Variants in LRCH1 observed in about 807,000 individuals in gnomAD.
LRCH1 encodes the protein leucine-rich repeat and calponin homology domain-containing protein 1.
A neutral mutation model predicts 94.9 loss-of-function variants in LRCH1; 23 were observed. That is an observed-to-expected ratio of 0.24 (90% confidence interval 0.17 to 0.34). The LOEUF (loss-of-function observed/expected upper bound fraction) is 0.34, where lower values mean the gene tolerates loss of function less well. Ranked by LOEUF, LRCH1 falls within the 10% of genes least tolerant of loss-of-function variation. LRCH1 has a pLI of 1.00. For missense variants in LRCH1, 790 were observed against 945.9 expected, an observed-to-expected ratio of 0.84 and a Z score of 2.16; for synonymous variants, 364 against 354.9, an observed-to-expected ratio of 1.03 and a Z score of -0.29.
Position 46,687,866 on chromosome 13 carries a change from C to G in LRCH1, c.837C>G (p.Gly279=). 1 of 1,611,026 alleles carries G rather than the reference C, an allele frequency of 6.2e-7. No homozygotes were observed. Among genetic ancestry groups the G allele is most frequent in the Non-Finnish European group, 8.5e-7 (1 of 1,178,634 alleles). Residue 279 remains glycine (G), a synonymous_variant, in exon 6 of 20, where the codon GGC becomes GGG. Transcript: ENST00000389797. ...QSPPAQICTK[G]KVHIFKYLSI... ...TTTCTTTGTAGATTTGCACAAAGGG[C>G]AAAGTTCACATATTTAAGTATCTGA...
chr13:46,741,570 C>G, intron 19 of LRCH1, 72 bp from the exon 20 acceptor site: 1 of 1,591,642 alleles, frequency 6.3e-7, no homozygotes, highest in Non-Finnish European at 8.6e-7. Flanking sequence ...GTGCTTCTTT[C>G]TAGCTGTTCC....
In LRCH1 at chr13:46,561,105, G is replaced by A. The variant is rs370393478; in HGVS notation, c.307+7402G>A. ...AGGATATAGCTGGAGAAAAAAATCA[G>A]AGAAGAACAGTATGTTTGATTTGCA... On this transcript the variant is annotated intron_variant, in intron 1 of 19. Coordinates refer to ENST00000389797, the MANE Select transcript of LRCH1 (RefSeq NM_001164211.2). 1.6e-4 allele frequency among the ~76,000 whole-genome samples: 24 copies of A among 152,284 alleles called. 1 individual carries two copies. The South Asian group carries it at 5.0e-3, about 32-fold the overall frequency.
chr13:46,741,543 C>G, intron 19 of LRCH1, 99 bp from the exon 20 acceptor site: 1 of 1,464,922 alleles, frequency 6.8e-7, no homozygotes, highest in Admixed American at 1.7e-5. Flanking sequence ...CTGCCATTTG[C>G]TAGTAACCAA....
chr13:46,651,512 T>C (rs906290772), intron 2 of LRCH1, among the ~76,000 whole-genome samples: 1 of 151,686 alleles, frequency 6.6e-6, no homozygotes, highest in Non-Finnish European at 1.5e-5. Context: ...AATACAAAAT[T>C]AGCTGGGCGT....
chr13:46,586,956 CTGGGTCTTAA>C (rs2050441996), intron 1 of LRCH1, among the ~76,000 whole-genome samples: 1 of 152,232 alleles, frequency 6.6e-6, no homozygotes, highest in South Asian at 2.1e-4. Flanking sequence ...GTGAATCTCA[CTGGGTCTTAA>C]TCAGGAAAAG....
rs373414917 is a variant in LRCH1, at chr13:46,750,368, A to G, written c.1981-172A>G. On this transcript the variant is annotated intron_variant, in intron 18 of 18. Coordinates refer to the LRCH1 transcript ENST00000311191. ...AAAAATCATTATTTTCTCTGCAAAC[A>G]TAGAAAAGGTCTTTGCAGTAGGTTG... is the stretch of plus-strand genomic sequence containing the variant. Among the ~76,000 whole-genome samples, 119 of 152,316 alleles carry G rather than the reference A, an allele frequency of 7.8e-4. 3 individuals carry two copies. In the South Asian group the frequency reaches 0.022, roughly 29 times the overall value.
At chr13:46,568,633 C>A (rs1437465389) in intron 1 of LRCH1, among the ~76,000 whole-genome samples, 1 of 152,090 alleles carries the variant, frequency 6.6e-6, no homozygotes, top group Admixed American at 6.5e-5. Context: ...ATATTGCATA[C>A]ATAGGAAGGA....
chr13:46,692,430 T>C, intron 7 of LRCH1, 106 bp from the exon 8 acceptor site: 2 of 820,914 alleles, frequency 2.4e-6, no homozygotes, highest in South Asian at 1.8e-5. Flanking sequence ...TTATATTCAA[T>C]ATGATATTTG....
intron 19 of LRCH1, among the ~76,000 whole-genome samples, chr13:46,739,267 A>G (rs1450264211): frequency 2.6e-5 from 4 of 152,090 alleles, no homozygotes; most frequent in Non-Finnish European, 5.9e-5. Flanking sequence ...AACCTAAGTG[A>G]ATTTCTTAAC....
At chr13:46,693,134 G>A (rs1243789560) in intron 8 of LRCH1, among the ~76,000 whole-genome samples, 1 of 151,884 alleles carries the variant, frequency 6.6e-6, no homozygotes, top group Non-Finnish European at 1.5e-5. Context: ...ACCATGCCCG[G>A]CTAATTCTTT....
At chr13:46,597,581 T>G (rs948078380) in intron 1 of LRCH1, among the ~76,000 whole-genome samples, 2 of 152,156 alleles carry the variant, frequency 1.3e-5, no homozygotes, top group Non-Finnish European at 2.9e-5. Flanking sequence ...GGACTTGAAC[T>G]CCTGACCTCA....
At chr13:46,690,586 CT>C (rs1870843894) in intron 7 of LRCH1, among the ~76,000 whole-genome samples, 1 of 152,128 alleles carries the variant, frequency 6.6e-6, no homozygotes, top group East Asian at 1.9e-4. Context: ...AGGATTTATT[CT>C]GTGCCTTTTA....
intron 3 of LRCH1, among the ~76,000 whole-genome samples, 162 bp from the exon 4 acceptor site, chr13:46,681,579 C>A (rs999459228): frequency 4.5e-4 from 68 of 152,308 alleles, no homozygotes; most frequent in Admixed American, 1.9e-3. Context: ...GTTCAGCTTT[C>A]TCTTCTCTGT....
At chr13:46,721,333 C>A (rs1002473930) in intron 16 of LRCH1, among the ~76,000 whole-genome samples, 2 of 152,178 alleles carry the variant, frequency 1.3e-5, no homozygotes, top group African/African-American at 4.8e-5. Context: ...GGTGTTGAGG[C>A]GCCCCTTGCT....
chr13:46,706,116 G>A (rs1252098589), intron 13 of LRCH1, among the ~76,000 whole-genome samples: 1 of 152,212 alleles, frequency 6.6e-6, no homozygotes, highest in Non-Finnish European at 1.5e-5. Flanking sequence ...TAAGGAAAAG[G>A]GAAGTATTAA....
intron 16 of LRCH1, among the ~76,000 whole-genome samples, chr13:46,722,706 G>T (rs1872639862): frequency 6.6e-6 from 1 of 152,182 alleles, no homozygotes; most frequent in Admixed American, 6.5e-5. Context: ...AGTCTAGAAG[G>T]CAGAATGTTT....
intron 1 of LRCH1, among the ~76,000 whole-genome samples, chr13:46,611,372 C>T (rs1055930957): frequency 3.9e-5 from 6 of 152,206 alleles, no homozygotes; most frequent in African/African-American, 1.4e-4. Flanking sequence ...TTCTGGAGAA[C>T]AGCAGGGTGG....
chr13:46,620,527 G>A (rs911997910), intron 1 of LRCH1, among the ~76,000 whole-genome samples: 2 of 149,900 alleles, frequency 1.3e-5, no homozygotes. Context: ...CTAGAAACAG[G>A]TGTGGGGTTC....
At chr13:46,634,098 T>G (rs1324365430) in intron 1 of LRCH1, among the ~76,000 whole-genome samples, 1 of 152,132 alleles carries the variant, frequency 6.6e-6, no homozygotes, top group African/African-American at 2.4e-5. Context: ...CAGGCTGGTC[T>G]CGAACTCCTG....
Sources: gnomAD v4.1 joint callset for allele counts (sites outside exome capture counted in the v4.1 genomes callset) on GRCh38, gnomAD v4.1.1 for gene constraint, MANE v1.5 for transcripts, NCBI Gene and HGNC (gene_info 2026-07-23, HGNC 2026-07-21) for gene names.